SPATA13: variants seen among roughly 807,000 people sequenced by gnomAD.
SPATA13 encodes spermatogenesis-associated protein 13.
In SPATA13, 50 loss-of-function variants were observed where a neutral mutation model predicts 104.0. That is an observed-to-expected ratio of 0.48 (90% CI 0.38 to 0.61). The LOEUF (loss-of-function observed/expected upper bound fraction) is 0.61. Among genes scored for constraint, SPATA13 ranks in the 20% least tolerant of loss-of-function variants. The pLI is 0.00. For synonymous variants in SPATA13, 606 were observed against 667.5 expected, an observed-to-expected ratio of 0.91 and a Z score of 1.42; for missense variants, 1,524 against 1,690.6, an observed-to-expected ratio of 0.90 and a Z score of 1.73.
intron 4 of SPATA13, among the ~76,000 whole-genome samples, chr13:24,262,274 TA>T: frequency 6.6e-6 from 1 of 151,880 alleles, no homozygotes; most frequent in East Asian, 1.9e-4. Context: ...AAATTCTTTG[TA>T]TTTTTTTTGT....
intron 3 of SPATA13, among the ~76,000 whole-genome samples, chr13:24,114,644 T>G (rs77695853): frequency 0.024 from 3,597 of 152,020 alleles, 45 homozygotes; most frequent in South Asian, 0.028. Context: ...TAGTTTTTTT[T>G]TTGTTGTTGT....
chr13:24,144,054 A>G (rs980395189), intron 3 of SPATA13, among the ~76,000 whole-genome samples: 5 of 151,914 alleles, frequency 3.3e-5, no homozygotes, highest in Non-Finnish European at 5.9e-5. Context: ...CTCCCACCAC[A>G]CCCCCGACTG....
chr13:24,242,477 A>G (rs1336519037), intron 2 of SPATA13, among the ~76,000 whole-genome samples: 1 of 152,224 alleles, frequency 6.6e-6, no homozygotes, highest in African/African-American at 2.4e-5. Flanking sequence ...ACCTACTGCT[A>G]TAAATGGAGG....
intron 4 of SPATA13, chr13:24,270,926 G>T (rs1309120408): frequency 1.3e-6 from 2 of 1,584,708 alleles, no homozygotes; most frequent in African/African-American, 2.7e-5. Flanking sequence ...TGTGTGCAAA[G>T]AATGGATTGT....
Position 24,273,418 on chromosome 13 carries a change from AT to A in SPATA13, c.2165-10715del, listed in dbSNP as rs1036460283. On this transcript the variant is annotated intron_variant, in intron 4 of 12. Transcript: ENST00000382108. ...GAGAGTTAATATGTCAGTTTCTAGG[AT>A]TCCTTTTGATCTTATTGTTGTCCAC... Among the ~76,000 whole-genome samples the A allele has an allele frequency of 2.2e-4, 33 of 152,346 alleles. No individual in the cohort carries two copies. In the Middle Eastern group the frequency reaches 0.01, roughly 47 times the overall value.
intron 4 of SPATA13, among the ~76,000 whole-genome samples, chr13:24,283,879 T>C (rs1341589927): frequency 6.6e-6 from 1 of 152,242 alleles, no homozygotes; most frequent in Non-Finnish European, 1.5e-5. Context: ...TTACACATAA[T>C]ATCCTGATGG....
rs557140835 is a variant in SPATA13 at position 24,074,411 on chromosome 13, T to C, written c.-112+56710T>C. On this transcript the variant is annotated intron_variant, in intron 3 of 14. Coordinates refer to the SPATA13 transcript ENST00000424834. ...TTTTTTTTTACCATTCATCCATTGA[T>C]GGACACTTGGGTTGCTTCCACCTTT... 4.1e-4 allele frequency among the ~76,000 whole-genome samples: 63 copies of C among 152,366 alleles called. No homozygotes were observed. The East Asian group carries it at 0.01, about 24-fold the overall frequency.
At chr13:24,139,805 C>A (rs1035476962) in intron 3 of SPATA13, among the ~76,000 whole-genome samples, 1 of 152,090 alleles carries the variant, frequency 6.6e-6, no homozygotes, top group Non-Finnish European at 1.5e-5. Flanking sequence ...CGGTGGCTCA[C>A]GTCTGTAATC....
At chr13:24,149,218 A>G (rs1202521743) in intron 3 of SPATA13, among the ~76,000 whole-genome samples, 2 of 152,148 alleles carry the variant, frequency 1.3e-5, no homozygotes, top group Non-Finnish European at 2.9e-5. Flanking sequence ...GCTTTATCTC[A>G]TTAGTGAGTC....
At position 24,198,951 on chromosome 13, in the gene SPATA13, C is replaced by CTTTTTTT. The variant is rs3067263; in HGVS notation, c.-111-23859_-111-23853dup. On this transcript the variant is annotated intron_variant, in intron 1 of 12. Coordinates refer to ENST00000382108, the MANE Select transcript of SPATA13 (RefSeq NM_001166271.3). ...TTACATATTCTTAGAACTATAAAAT[C>CTTTTTTT]TTTTTTTTTTTTTTTAAGGCAGGGT... 8.8e-3 allele frequency among the ~76,000 whole-genome samples: 1,241 copies of CTTTTTTT among 140,314 alleles called. 21 individuals are homozygous for CTTTTTTT. Among genetic ancestry groups the CTTTTTTT allele is most frequent in the African/African-American group, 0.03 (1,115 of 37,414 alleles). 92.1% of individuals were successfully genotyped at this position (140,314 alleles called of 152,430 possible). A position where few individuals can be genotyped will look rare whatever the true frequency, so the allele number is the denominator to read the frequency against.
At chr13:24,032,673 G>A (rs1333010991) in intron 3 of SPATA13, among the ~76,000 whole-genome samples, 1 of 152,172 alleles carries the variant, frequency 6.6e-6, no homozygotes, top group Non-Finnish European at 1.5e-5. Flanking sequence ...AAAATCCAGG[G>A]CACGAGCAGA....
chr13:24,112,357 C>T (rs1880668753), intron 3 of SPATA13, among the ~76,000 whole-genome samples: 1 of 152,214 alleles, frequency 6.6e-6, no homozygotes, highest in Non-Finnish European at 1.5e-5. Flanking sequence ...ACCTTCTGTG[C>T]CACTCTGTAG....
intron 9 of SPATA13, among the ~76,000 whole-genome samples, chr13:24,293,254 G>A (rs996134809): frequency 1.3e-3 from 201 of 149,498 alleles, no homozygotes; most frequent in African/African-American, 3.7e-3. Flanking sequence ...GGGAAGTCAA[G>A]AGAGCCACAA....
chr13:24,131,455 C>A (rs1881387488), intron 3 of SPATA13, among the ~76,000 whole-genome samples: 1 of 152,118 alleles, frequency 6.6e-6, no homozygotes, highest in East Asian at 1.9e-4. Flanking sequence ...TCTTGTTTAC[C>A]TCAGAATCCT....
Position 24,305,039 on chromosome 13 carries a change from G to A in SPATA13, c.*2266G>A, listed in dbSNP as rs1468745472. 1 of 152,200 alleles carries A rather than the reference G, an allele frequency of 6.6e-6. No individual in the cohort carries two copies. Among genetic ancestry groups the A allele is most frequent in the East Asian group, 1.9e-4 (1 of 5,198 alleles). 9.4% of individuals were successfully genotyped at this position (152,200 alleles called of 1,614,324 possible). On this transcript the variant is annotated 3_prime_UTR_variant, in exon 13 of 13. Coordinates refer to ENST00000382108, the MANE Select transcript of SPATA13 (RefSeq NM_001166271.3). ...TATGTACAGCAATTTTGAACAAATTGTTTTAAATGTAATATAAGAGAATTA... is the reference window on the plus strand; with the variant it reads ...TATGTACAGCAATTTTGAACAAATTATTTTAAATGTAATATAAGAGAATTA...
At chr13:24,014,342 C>G (rs979247165) in intron 2 of SPATA13, among the ~76,000 whole-genome samples, 1 of 152,134 alleles carries the variant, frequency 6.6e-6, no homozygotes, top group Admixed American at 6.5e-5. Context: ...AACACACCCC[C>G]CTTCCCCCAT....
chr13:24,276,415 T>C (rs1874985382), intron 4 of SPATA13, among the ~76,000 whole-genome samples: 1 of 152,214 alleles, frequency 6.6e-6, no homozygotes, highest in Non-Finnish European at 1.5e-5. Flanking sequence ...AAAGGACATA[T>C]ACTGTATGAT....
In SPATA13 at chr13:24,301,982, C is replaced by T. The variant is rs144290947; in HGVS notation, c.3659-616C>T. Among the ~76,000 whole-genome samples, 1,300 of 152,116 alleles carry T rather than the reference C, an allele frequency of 8.5e-3. 13 individuals are homozygous for T. The highest frequency in any genetic ancestry group is 9.3e-3 in the Non-Finnish European group (631 of 68,022). ...AGGCGTAGAGAAATCATATCATTTC[C>T]CCAGTAATCCCAGCTGATAAATGGC... On this transcript the variant is annotated intron_variant, in intron 12 of 12. Coordinates refer to ENST00000382108, the MANE Select transcript of SPATA13 (RefSeq NM_001166271.3).
At chr13:24,056,131 C>T (rs983814733) in intron 3 of SPATA13, among the ~76,000 whole-genome samples, 1 of 152,190 alleles carries the variant, frequency 6.6e-6, no homozygotes, top group Non-Finnish European at 1.5e-5. Context: ...GGGCACCCCT[C>T]AGAATTTCAC....
Sources: gnomAD v4.1 joint callset for allele counts (sites outside exome capture counted in the v4.1 genomes callset) on GRCh38, gnomAD v4.1.1 for gene constraint, MANE v1.5 for transcripts, NCBI Gene and HGNC (gene_info 2026-07-23, HGNC 2026-07-21) for gene names.